The following EPB41 variants were observed in gnomAD, a reference collection of about 807,000 sequenced individuals.
EPB41 encodes erythrocyte membrane protein band 4.1.
A neutral mutation model predicts 108.0 loss-of-function variants in EPB41; 65 were observed. The ratio of observed to expected loss-of-function variants is 0.60; its 90% CI spans 0.49 to 0.74. EPB41 has a LOEUF of 0.74. Among genes scored for constraint, EPB41 ranks in the 30% least tolerant of loss-of-function variants. EPB41 has a pLI of 0.00. For missense variants in EPB41, 875 were observed against 1,037.0 expected (o/e 0.84, Z 2.15); for synonymous variants, 336 against 358.9 (o/e 0.94, Z 0.72).
Position 28,887,243 on chromosome 1 carries a change from G to C in EPB41, c.-8+33G>C, listed in dbSNP as rs2089517371. ...TGGACCACCTGGGGGGCGACCCTCG[G>C]TCCCCGGGAGGGACGGGGTTAGGGA... On this transcript the variant is annotated intron_variant, in intron 1 of 16. Coordinates refer to the EPB41 transcript ENST00000347529. The surrounding 1 kb of genome is among the most constrained non-coding windows in gnomAD (Gnocchi z 4.9). 7.8e-7 allele frequency: 1 copy of C among 1,278,620 alleles called. No individual in the cohort carries two copies. Among genetic ancestry groups the C allele is most frequent in the South Asian group, 1.2e-5 (1 of 80,548 alleles). The allele number at this position is 1,278,620 out of a possible 1,614,324, so 79.2% of individuals were successfully genotyped here.
At chr1:29,004,102 A>G (rs1448183211) in intron 4 of EPB41, among the ~76,000 whole-genome samples, 2 of 152,184 alleles carry the variant, frequency 1.3e-5, no homozygotes, top group African/African-American at 4.8e-5. Flanking sequence ...ATTTGTTGCC[A>G]CTATGAATCA....
upstream of EPB41, among the ~76,000 whole-genome samples, chr1:28,912,740 C>T (rs773207639): frequency 5.3e-4 from 81 of 152,048 alleles, no homozygotes; most frequent in African/African-American, 1.7e-3. Context: ...CCTCAACCTC[C>T]GAGAATAACT....
At chr1:28,991,148 A>G (rs2096008885) in intron 2 of EPB41, among the ~76,000 whole-genome samples, 2 of 150,202 alleles carry the variant, frequency 1.3e-5, no homozygotes, top group Non-Finnish European at 3.0e-5. Flanking sequence ...TTTATCCAGA[A>G]TTTTTTAAAA....
Position 28,887,739 on chromosome 1 carries a change from C to T in EPB41, c.-8+529C>T, listed in dbSNP as rs2089599320. The T allele has an allele frequency of 2.1e-6, 2 of 967,310 alleles. No homozygotes were observed. The highest frequency in any genetic ancestry group is 1.1e-4 in the East Asian group (1 of 8,708). 59.9% of individuals were successfully genotyped at this position (967,310 alleles called of 1,614,324 possible). ...TTTCCGGACCCAGGAACCGACCCGC[C>T]AGCTGGGGCGCCGGCTGTGCCCGCC... On this transcript the variant is annotated intron_variant, in intron 1 of 16. Transcript: ENST00000347529. This position sits in a 1 kb window ranked among gnomAD's most constrained non-coding sequence, Gnocchi z 4.9.
intron 16 of EPB41, chr1:29,069,215 A>T (rs1650029070): frequency 1.6e-6 from 2 of 1,231,672 alleles, no homozygotes; most frequent in South Asian, 4.1e-5. Flanking sequence ...GTGTGCAAAG[A>T]ACCAGTGTTG....
Position 28,993,549 on chromosome 1 carries a change from A to C in EPB41, c.681+7A>C. 1 of 1,613,160 alleles carries C rather than the reference A, an allele frequency of 6.2e-7. No individual in the cohort carries two copies. The highest frequency in any genetic ancestry group is 1.7e-4 in the Middle Eastern group (1 of 5,990). ...TTATGAATGTGTTGTGGAGGTGAGT[A>C]TGTTTTCATTTCCAACAATCAGAAC... On this transcript the variant is annotated splice_region_variant and intron_variant, in intron 3 of 20. Coordinates refer to ENST00000343067, the MANE Select transcript of EPB41 (RefSeq NM_001376013.1).
chr1:29,105,115 T>A (rs1253302648), intron 17 of EPB41, among the ~76,000 whole-genome samples: 2 of 152,242 alleles, frequency 1.3e-5, no homozygotes. Flanking sequence ...CATAGCCTTT[T>A]CCATCTGATT....
chr1:29,114,721 C>G (rs1670328956), intron 19 of EPB41, among the ~76,000 whole-genome samples: 1 of 151,406 alleles, frequency 6.6e-6, no homozygotes, highest in Non-Finnish European at 1.5e-5. Context: ...ATTCAGTTTC[C>G]TCACCTATAA....
Position 29,098,047 on chromosome 1 carries a change from G to C in EPB41, c.2313+112G>C, listed in dbSNP as rs926852357. ...AAGAATACCAGGTTTTTCTGGGGCA[G>C]TTCTTTTTAGAAGAGATTACTGGTC... On this transcript the variant is annotated intron_variant, in intron 17 of 20. Transcript: ENST00000343067. 18 of 1,471,832 alleles carry C rather than the reference G, an allele frequency of 1.2e-5. No individual in the cohort carries two copies. The South Asian group carries it at 2.1e-4, about 17-fold the overall frequency. The allele number at this position is 1,471,832 out of a possible 1,614,324, so 91.2% of individuals were successfully genotyped here.
chr1:29,115,894 C>T lies in EPB41; in HGVS notation c.*6+91C>T. On this transcript the variant is annotated intron_variant, in intron 20 of 20. Coordinates refer to ENST00000343067, the MANE Select transcript of EPB41 (RefSeq NM_001376013.1). This position sits in a 1 kb window ranked among gnomAD's most constrained non-coding sequence, Gnocchi z 4.4. ...ACCCTCGGACACACTGGGAGCCCAT[C>T]CCCACAAAGAGGTGTTCACCCTGGG... 1 of 979,892 alleles carries T rather than the reference C, an allele frequency of 1.0e-6. No individual in the cohort carries two copies. The highest frequency in any genetic ancestry group is 1.6e-6 in the Non-Finnish European group (1 of 615,678). 60.7% of individuals were successfully genotyped at this position (979,892 alleles called of 1,614,324 possible). A position where few individuals can be genotyped will look rare whatever the true frequency, so the allele number is the denominator to read the frequency against.
Position 29,039,420 on chromosome 1 carries a change from G to A in EPB41, c.1630G>A (p.Asp544Asn), listed in dbSNP as rs764529445. 4 of 1,613,952 alleles carry A rather than the reference G, an allele frequency of 2.5e-6. No individual in the cohort carries two copies. The highest frequency in any genetic ancestry group is 1.7e-5 in the Admixed American group (1 of 60,016). Reference protein sequence around the residue: ...TASKRASRSLDGAAAVDSADR... With the variant: ...TASKRASRSLNGAAAVDSADR... ...AAGTAAACGGGCGTCCCGGAGCCTC[G>A]ATGGAGGTTTGTATTGAATATTAAT... The change falls in exon 11 of 21, where the codon GAT becomes AAT. Residue 544 changes from aspartate (D) to asparagine (N), a missense_variant. Physicochemically the swap from Asp to Asn is conservative, Grantham distance 23. This residue lies in a region of EPB41 where 519 missense variants were observed against 627.3 expected (regional missense o/e 0.83). Coordinates refer to ENST00000343067, the MANE Select transcript of EPB41 (RefSeq NM_001376013.1).
intron 11 of EPB41, among the ~76,000 whole-genome samples, chr1:29,051,858 A>T (rs1644576217): frequency 6.6e-6 from 1 of 151,368 alleles, no homozygotes; most frequent in African/African-American, 2.4e-5. Context: ...AGATCATGCC[A>T]TTGCACTCTA....
intron 13 of EPB41, 80 bp from the exon 14 acceptor site, chr1:29,058,731 T>G (rs1645986271): frequency 6.5e-7 from 1 of 1,537,434 alleles, no homozygotes; most frequent in Non-Finnish European, 8.8e-7. Context: ...CTTAAAAAAA[T>G]TATAAAATGA....
At position 28,964,994 on chromosome 1, in the gene EPB41, G is replaced by A. The variant is rs77868497; in HGVS notation, c.-7-22437G>A. Among the ~76,000 whole-genome samples, 21 of 152,192 alleles carry A rather than the reference G, an allele frequency of 1.4e-4. No individual in the cohort carries two copies. In the East Asian group the frequency reaches 3.9e-3, roughly 28 times the overall value. On this transcript the variant is annotated intron_variant, in intron 1 of 20. Transcript: ENST00000343067. ...TGCATATATTACTATATAATTGCTT[G>A]CTTTTGCCTGATTTTTAAAATAGAC...
intron 1 of EPB41, among the ~76,000 whole-genome samples, chr1:28,986,460 T>A (rs2095871204): frequency 6.6e-6 from 1 of 152,176 alleles, no homozygotes. Flanking sequence ...GTTTGAAATA[T>A]GTAAGGTCAG....
chr1:28,988,673 C>T (rs532136789), intron 2 of EPB41, among the ~76,000 whole-genome samples: 1 of 152,020 alleles, frequency 6.6e-6, no homozygotes, highest in Non-Finnish European at 1.5e-5. Flanking sequence ...AGTTTCTACT[C>T]TAAAAAAATT....
At chr1:29,000,053 G>A (rs911769416) in intron 4 of EPB41, among the ~76,000 whole-genome samples, 1 of 151,458 alleles carries the variant, frequency 6.6e-6, no homozygotes, top group Non-Finnish European at 1.5e-5. Flanking sequence ...GCCTCCCAAA[G>A]TGCTAAATTA....
chr1:28,915,243 A>C (rs953559738), intron 1 of EPB41, among the ~76,000 whole-genome samples: 5 of 152,158 alleles, frequency 3.3e-5, no homozygotes, highest in Non-Finnish European at 7.4e-5. Flanking sequence ...GAGCCCTGGC[A>C]AGACTTCGCA....
At chr1:28,997,861 G>GT (rs1392340081) in intron 4 of EPB41, among the ~76,000 whole-genome samples, 2 of 152,124 alleles carry the variant, frequency 1.3e-5, no homozygotes, top group African/African-American at 4.8e-5. Flanking sequence ...TTTGAAGGAG[G>GT]TAAAAGAATG....
Sources: gnomAD v4.1 joint callset for allele counts (sites outside exome capture counted in the v4.1 genomes callset) on GRCh38, gnomAD v4.1.1 for gene constraint, gnomAD v4.1.1 regional missense constraint, Gnocchi (gnomAD v3.1) non-coding constraint, MANE v1.5 for transcripts, NCBI Gene and HGNC (gene_info 2026-07-23, HGNC 2026-07-21) for gene names.